SYNJ2: variants seen among roughly 807,000 people sequenced by gnomAD.
SYNJ2 encodes the protein polyphosphatidylinositol phosphatase SYNJ2.
In SYNJ2, 116 loss-of-function variants were observed where a neutral mutation model predicts 141.3. The observed-to-expected ratio is 0.82, with a 90% confidence interval of 0.71 to 0.96. SYNJ2 has a LOEUF of 0.96. Ranked by LOEUF, SYNJ2 falls within the 40% of genes least tolerant of loss-of-function variation. SYNJ2 has a pLI of 0.00. For synonymous variants in SYNJ2, 745 were observed against 777.7 expected, an observed-to-expected ratio of 0.96 and a Z score of 0.70; for missense variants, 1,873 against 1,934.8, an observed-to-expected ratio of 0.97 and a Z score of 0.60.
intron 26 of SYNJ2, among the ~76,000 whole-genome samples, chr6:158,094,708 T>C (rs1281794939): frequency 9.2e-5 from 14 of 152,258 alleles, no homozygotes; most frequent in Non-Finnish European, 1.5e-4. Flanking sequence ...AAAGAAACAC[T>C]GAAACGCCAA....
rs1379929929 is a variant in SYNJ2, at chr6:158,083,410, G to A, written c.2866-19G>A. The A allele has an allele frequency of 3.7e-6, 6 of 1,607,202 alleles. No individual in the cohort carries two copies. Among genetic ancestry groups the A allele is most frequent in the Non-Finnish European group, 5.1e-6 (6 of 1,174,562 alleles). On this transcript the variant is annotated intron_variant, in intron 20 of 26. Transcript: ENST00000355585. ...TCATGATTTTTATTTATTCCTGGGT[G>A]GCCGCTCTGCCCTCCCAGGTGAAAG...
Position 158,074,633 on chromosome 6 carries a change from C to T in SYNJ2, c.2187C>T (p.Tyr729=). 6.2e-7 allele frequency: 1 copy of T among 1,614,014 alleles called. No homozygotes were observed. Among genetic ancestry groups the T allele is most frequent in the Non-Finnish European group, 8.5e-7 (1 of 1,179,996 alleles). ...DYVFWCGDFN[Y]RIDLTYEEVF... is the part of the protein sequence containing the mutation. ...TATTTTGGTGTGGCGATTTCAACTACCGCATTGATCTTACTTATGAAGAAG... is the reference window on the plus strand; with the variant it reads ...TATTTTGGTGTGGCGATTTCAACTATCGCATTGATCTTACTTATGAAGAAG... Residue 729 remains tyrosine (Y), a synonymous_variant, in exon 16 of 27, where the codon TAC becomes TAT. Coordinates refer to ENST00000355585, the MANE Select transcript of SYNJ2 (RefSeq NM_003898.4).
chr6:157,995,972 G>C (rs1036149003), intron 1 of SYNJ2, among the ~76,000 whole-genome samples: 1 of 152,218 alleles, frequency 6.6e-6, no homozygotes, highest in Non-Finnish European at 1.5e-5. Flanking sequence ...GGCATACTAT[G>C]TTCTTGGAGT....
intron 2 of SYNJ2, among the ~76,000 whole-genome samples, chr6:158,026,325 G>C (rs892354825): frequency 1.3e-5 from 2 of 152,210 alleles, no homozygotes; most frequent in African/African-American, 4.8e-5. Flanking sequence ...TTGGATCCCA[G>C]CTCCCCGCTC....
At chr6:158,065,109 T>C (rs1781484232) in intron 11 of SYNJ2, 118 bp downstream of exon 11, 1 of 1,304,822 alleles carries the variant, frequency 7.7e-7, no homozygotes, top group East Asian at 2.6e-5. Context: ...ATCTGAGCAG[T>C]GGACCATGCA....
chr6:157,989,217 G>A (rs1777319033), intron 1 of SYNJ2, among the ~76,000 whole-genome samples: 1 of 151,912 alleles, frequency 6.6e-6, no homozygotes, highest in African/African-American at 2.4e-5. Flanking sequence ...CATTTGTGGA[G>A]TGTTTACCAC....
chr6:158,045,677 C>G (rs574895935), intron 5 of SYNJ2, among the ~76,000 whole-genome samples: 1 of 152,280 alleles, frequency 6.6e-6, no homozygotes, highest in East Asian at 1.9e-4. Context: ...CCTCCTGTTT[C>G]TAAGACTCTC....
At chr6:158,082,105 G>T (rs1034629905) in intron 20 of SYNJ2, among the ~76,000 whole-genome samples, 1 of 152,182 alleles carries the variant, frequency 6.6e-6, no homozygotes, top group Non-Finnish European at 1.5e-5. Flanking sequence ...CCAGCACTTT[G>T]TCAGGCCAAG....
At chr6:157,989,504 A>G (rs1777334671) in intron 1 of SYNJ2, among the ~76,000 whole-genome samples, 1 of 143,706 alleles carries the variant, frequency 7.0e-6, no homozygotes. Context: ...TCTCTGGCTT[A>G]TCTTGGTTTT....
chr6:158,028,552 C>T, intron 2 of SYNJ2: 1 of 646,842 alleles, frequency 1.5e-6, no homozygotes, highest in Non-Finnish European at 2.6e-6. Context: ...GGCCAGGGTC[C>T]CACACTTTGA....
At position 158,064,680 on chromosome 6, in the gene SYNJ2, T is replaced by C; in HGVS notation, c.1289T>C (p.Met430Thr). The change falls in exon 10 of 27, where the codon ATG becomes ACG. Residue 430 changes from methionine (M) to threonine (T), a missense_variant. Transcript: ENST00000355585. ...VDRFVESFKAMWSLNGHSLSK... is the reference protein window; with the variant it reads ...VDRFVESFKATWSLNGHSLSK... The stretch of plus-strand genomic sequence containing the variant: ...CGCTTTGTGGAGTCCTTCAAAGCCA[T>C]GTGGTCTCTGAATGGCCACAGCCTG... The C allele has an allele frequency of 1.9e-6, 3 of 1,614,080 alleles. No homozygotes were observed. Among genetic ancestry groups the C allele is most frequent in the Non-Finnish European group, 2.5e-6 (3 of 1,180,022 alleles).
intron 9 of SYNJ2, among the ~76,000 whole-genome samples, 154 bp from the exon 10 acceptor site, chr6:158,064,445 ACT>A (rs1781430950): frequency 6.6e-6 from 1 of 151,952 alleles, no homozygotes; most frequent in Non-Finnish European, 1.5e-5. Context: ...GTGGGAAGTC[ACT>A]CTCTGCTGTG....
At chr6:158,004,767 A>G (rs1443896199) in intron 1 of SYNJ2, among the ~76,000 whole-genome samples, 3 of 152,144 alleles carry the variant, frequency 2.0e-5, no homozygotes, top group African/African-American at 4.8e-5. Flanking sequence ...ACCCCTTTCC[A>G]GTAACACCAC....
chr6:158,071,886 C>G lies in SYNJ2; in HGVS notation c.2133+92C>G. ...AGGAGCCAGGCACTGGGGACACAAC[C>G]ACAGGGAGGGCCCCTTCCTGGAGGG... is the stretch of plus-strand genomic sequence containing the variant. On this transcript the variant is annotated intron_variant, in intron 15 of 26. Transcript: ENST00000355585. This position sits in a 1 kb window ranked among gnomAD's most constrained non-coding sequence, Gnocchi z 4.3. 2 of 1,425,378 alleles carry G rather than the reference C, an allele frequency of 1.4e-6. No individual in the cohort carries two copies. The highest frequency in any genetic ancestry group is 1.3e-5 in the South Asian group (1 of 74,802). 88.3% of individuals were successfully genotyped at this position (1,425,378 alleles called of 1,614,324 possible).
intron 9 of SYNJ2, 146 bp downstream of exon 9, chr6:158,064,018 C>T: frequency 1.3e-6 from 1 of 789,702 alleles, no homozygotes; most frequent in Non-Finnish European, 2.0e-6. Context: ...GACAGGGAGA[C>T]ACTGGGACAT....
chr6:158,040,912 C>G lies in SYNJ2; in HGVS notation c.712-2404C>G. Among the ~76,000 whole-genome samples, 2 of 152,330 alleles carry G rather than the reference C, an allele frequency of 1.3e-5. No homozygotes were observed. The highest frequency in any genetic ancestry group is 1.3e-4 in the Admixed American group (2 of 15,300). ...GGCCCCACTGCTCTTCCCGGTCTCCCTCCCACCTCTTGTCTGTTCCTTCTT... is the reference window on the plus strand; with the variant it reads ...GGCCCCACTGCTCTTCCCGGTCTCCGTCCCACCTCTTGTCTGTTCCTTCTT... On this transcript the variant is annotated intron_variant, in intron 4 of 26. Transcript: ENST00000355585. The surrounding 1 kb of genome is among the most constrained non-coding windows in gnomAD (Gnocchi z 4.2).
intron 3 of SYNJ2, chr6:158,030,990 C>A (rs1253116698): frequency 6.6e-6 from 1 of 152,212 alleles, no homozygotes; most frequent in Non-Finnish European, 1.5e-5. Flanking sequence ...GGGCTGGGCC[C>A]AGGATTCTGC....
chr6:158,076,848 C>T, intron 17 of SYNJ2, 66 bp downstream of exon 17: 1 of 1,521,550 alleles, frequency 6.6e-7, no homozygotes, highest in Non-Finnish European at 8.8e-7. Context: ...GAGGGAGAGT[C>T]ACGTTTACCC....
chr6:158,066,404 G>A (rs1249821789), intron 11 of SYNJ2, 40 bp from the exon 12 acceptor site: 1 of 1,609,960 alleles, frequency 6.2e-7, no homozygotes, highest in East Asian at 2.2e-5. Context: ...CCTGAGCTTT[G>A]GAACTGCAAA....
Sources: allele counts gnomAD v4.1 joint callset (sites outside exome capture counted in the v4.1 genomes callset), GRCh38; gene constraint gnomAD v4.1.1; non-coding constraint Gnocchi (gnomAD v3.1); transcripts MANE v1.5; gene names NCBI Gene and HGNC (gene_info 2026-07-23, HGNC 2026-07-21).